The following ALG5 variants were observed in gnomAD, a reference collection of about 807,000 sequenced individuals.
ALG5 encodes the protein ALG5 dolichyl-phosphate beta-glucosyltransferase, also known as dolichyl-phosphate beta-glucosyltransferase.
In ALG5, 26 loss-of-function variants were observed where a neutral mutation model predicts 51.8. The ratio of observed to expected loss-of-function variants is 0.50; its 90% CI spans 0.37 to 0.70. The LOEUF (loss-of-function observed/expected upper bound fraction) is 0.70. Ranked by LOEUF, ALG5 falls within the 30% of genes least tolerant of loss-of-function variation. The pLI, the probability that ALG5 is intolerant of heterozygous loss-of-function variation, is 0.00. For missense variants in ALG5, 311 were observed against 399.3 expected (o/e 0.78, Z 1.88); for synonymous variants, 141 against 136.1 (o/e 1.04, Z -0.25).
At chr13:36,972,157 T>C in intron 6 of ALG5, 121 bp from the exon 7 acceptor site, 1 of 806,608 alleles carries the variant, frequency 1.2e-6, no homozygotes, top group South Asian at 2.1e-5. Flanking sequence ...TTAAAAATCT[T>C]TTAAAGGTTT....
intron 6 of ALG5, among the ~76,000 whole-genome samples, chr13:36,973,380 C>G (rs2058935480): frequency 6.6e-6 from 1 of 152,094 alleles, no homozygotes; most frequent in Admixed American, 6.6e-5. Flanking sequence ...CCTTTTAAAT[C>G]AGTGGGAAAA....
intron 7 of ALG5, among the ~76,000 whole-genome samples, chr13:36,970,452 T>C (rs1449284456): frequency 6.6e-6 from 1 of 151,342 alleles, no homozygotes; most frequent in Non-Finnish European, 1.5e-5. Context: ...ATACAAAAAT[T>C]AGCTGGGTGT....
At chr13:36,989,281 T>C (rs1455900188) in intron 5 of ALG5, among the ~76,000 whole-genome samples, 1 of 152,162 alleles carries the variant, frequency 6.6e-6, no homozygotes, top group Admixed American at 6.5e-5. Context: ...CATAAATACA[T>C]AAATCTATTT....
intron 6 of ALG5, among the ~76,000 whole-genome samples, chr13:36,984,260 T>C (rs1462664648): frequency 6.6e-6 from 1 of 151,874 alleles, no homozygotes; most frequent in Admixed American, 6.6e-5. Context: ...CACCACACCC[T>C]GTTAATTTTT....
At chr13:36,958,464 C>A (rs1237009636) in intron 8 of ALG5, among the ~76,000 whole-genome samples, 2 of 152,178 alleles carry the variant, frequency 1.3e-5, no homozygotes, top group Non-Finnish European at 2.9e-5. Context: ...AGATGCAGTG[C>A]ATGACTAAGA....
intron 8 of ALG5, among the ~76,000 whole-genome samples, chr13:36,962,382 T>G (rs1442168017): frequency 6.6e-6 from 1 of 152,216 alleles, no homozygotes; most frequent in Non-Finnish European, 1.5e-5. Flanking sequence ...AGCTGATACA[T>G]GTATACTTGG....
At chr13:36,984,175 T>C (rs1348336989) in intron 6 of ALG5, among the ~76,000 whole-genome samples, 2 of 151,722 alleles carry the variant, frequency 1.3e-5, no homozygotes, top group East Asian at 1.9e-4. Context: ...CACAGCTCAC[T>C]ATAACCTCAA....
Position 36,958,423 on chromosome 13 carries a change from A to C in ALG5, c.774-5824T>G, listed in dbSNP as rs539808904. ...TGTCTCTTCCAGAATTGAAGCTGTAAAACTACAAGTGGTTCTTCAAATGGA... is the reference window on the plus strand; with the variant it reads ...TGTCTCTTCCAGAATTGAAGCTGTACAACTACAAGTGGTTCTTCAAATGGA... On this transcript the variant is annotated intron_variant, in intron 8 of 9. Coordinates refer to ENST00000239891, the MANE Select transcript of ALG5 (RefSeq NM_013338.5). 3.9e-4 allele frequency among the ~76,000 whole-genome samples: 59 copies of C among 152,276 alleles called. 1 individual carries two copies. Among genetic ancestry groups the C allele is most frequent in the Non-Finnish European group, 7.8e-4 (53 of 68,036 alleles).
intron 7 of ALG5, among the ~76,000 whole-genome samples, chr13:36,968,670 T>C (rs577520766): frequency 2.5e-4 from 38 of 152,338 alleles, no homozygotes; most frequent in African/African-American, 9.1e-4. Flanking sequence ...TTCTGAACAT[T>C]AGGCAATAAG....
chr13:36,986,656 T>A (rs1038004072), intron 5 of ALG5, among the ~76,000 whole-genome samples: 1 of 152,168 alleles, frequency 6.6e-6, no homozygotes, highest in Non-Finnish European at 1.5e-5. Flanking sequence ...GTGAGATGAC[T>A]CACACCTACT....
At chr13:36,959,252 CA>C (rs760466595) in intron 8 of ALG5, among the ~76,000 whole-genome samples, 6 of 151,882 alleles carry the variant, frequency 4.0e-5, no homozygotes, top group Non-Finnish European at 5.9e-5. Context: ...AAGCCTCAGA[CA>C]GGGGGAATAA....
chr13:36,977,819 A>G (rs1197310109), intron 6 of ALG5, among the ~76,000 whole-genome samples: 1 of 131,654 alleles, frequency 7.6e-6, no homozygotes, highest in Non-Finnish European at 1.6e-5. Context: ...AAAAAACAAA[A>G]ACGGTGGTAA....
At chr13:36,987,708 T>C (rs2059008244) in intron 5 of ALG5, among the ~76,000 whole-genome samples, 1 of 152,224 alleles carries the variant, frequency 6.6e-6, no homozygotes, top group African/African-American at 2.4e-5. Context: ...TTTATAGCAA[T>C]GTAAGAATGG....
Position 36,952,503 on chromosome 13 carries a change from A to G in ALG5, c.859+11T>C. 6.3e-7 allele frequency: 1 copy of G among 1,580,216 alleles called. No individual in the cohort carries two copies. The highest frequency in any genetic ancestry group is 8.6e-7 in the Non-Finnish European group (1 of 1,160,310). ...GACTCAAGACAATCATACAATAAAC[A>G]ATATACTCACCTTCAATTTCTGTCC... On this transcript the variant is annotated intron_variant, in intron 9 of 9. Coordinates refer to ENST00000239891, the MANE Select transcript of ALG5 (RefSeq NM_013338.5).
chr13:36,996,036 T>C (rs936783472), intron 1 of ALG5, among the ~76,000 whole-genome samples: 1 of 150,438 alleles, frequency 6.6e-6, no homozygotes, highest in Non-Finnish European at 1.5e-5. Flanking sequence ...ATTTTGCAGT[T>C]GGAACATGCG....
intron 7 of ALG5, chr13:36,967,806 T>C (rs1408472976): frequency 1.1e-5 from 14 of 1,238,174 alleles, no homozygotes; most frequent in Non-Finnish European, 1.4e-5. Flanking sequence ...AGAGCACTTA[T>C]GCTTAGGAAA....
At chr13:36,990,536 T>A (rs2059021109) in intron 4 of ALG5, among the ~76,000 whole-genome samples, 1 of 152,242 alleles carries the variant, frequency 6.6e-6, no homozygotes, top group Admixed American at 6.5e-5. Flanking sequence ...CCATCTTCTC[T>A]TCTCAACATA....
chr13:36,998,351 A>T (rs933138608), intron 1 of ALG5, among the ~76,000 whole-genome samples: 1 of 152,202 alleles, frequency 6.6e-6, no homozygotes, highest in African/African-American at 2.4e-5. Context: ...GATGCATTAC[A>T]TTTTATCTAA....
At chr13:36,977,989 C>T (rs1198381982) in intron 6 of ALG5, among the ~76,000 whole-genome samples, 2 of 148,354 alleles carry the variant, frequency 1.3e-5, no homozygotes, top group Non-Finnish European at 3.0e-5. Context: ...TGGGTTCAAG[C>T]GATTCTCTTG....
Sources: allele counts gnomAD v4.1 joint callset (sites outside exome capture counted in the v4.1 genomes callset), GRCh38; gene constraint gnomAD v4.1.1; transcripts MANE v1.5; gene names NCBI Gene and HGNC (gene_info 2026-07-23, HGNC 2026-07-21).